The following OSBPL8 variants were observed in gnomAD, a reference collection of about 807,000 sequenced individuals.
OSBPL8 encodes oxysterol binding protein like 8, also known as oxysterol-binding protein-related protein 8.
Under a neutral mutation model 125.5 loss-of-function variants are expected in OSBPL8, and 59 were observed. The ratio of observed to expected loss-of-function variants is 0.47; its 90% CI spans 0.38 to 0.58. OSBPL8 has a LOEUF of 0.58. Ranked by LOEUF, OSBPL8 falls within the 20% of genes least tolerant of loss-of-function variation. The pLI, the probability that OSBPL8 is intolerant of heterozygous loss-of-function variation, is 0.00. For missense variants in OSBPL8, 758 were observed against 1,047.8 expected (o/e 0.72, Z 3.82); for synonymous variants, 330 against 338.9 (o/e 0.97, Z 0.29).
Position 76,390,480 on chromosome 12 carries a change from C to T in OSBPL8, c.1107G>A (p.Glu369=). The T allele has an allele frequency of 6.2e-7, 1 of 1,613,920 alleles. No homozygotes were observed. Among genetic ancestry groups the T allele is most frequent in the Non-Finnish European group, 8.5e-7 (1 of 1,179,910 alleles). ...ERQDDSYIEP[E]PVEPLKETTY... ...TAGTCTCCTTTAAAGGCTCAACAGGCTCAGGTTCGATATATGAGTCATCTT... is the reference window on the plus strand; with the variant it reads ...TAGTCTCCTTTAAAGGCTCAACAGGTTCAGGTTCGATATATGAGTCATCTT... The change falls in exon 11 of 24, where the codon GAG becomes GAA. Residue 369 remains glutamate, a synonymous_variant. Coordinates refer to ENST00000261183, the MANE Select transcript of OSBPL8 (RefSeq NM_020841.5).
At chr12:76,500,358 T>G (rs2137111325) in intron 1 of OSBPL8, among the ~76,000 whole-genome samples, 1 of 152,324 alleles carries the variant, frequency 6.6e-6, no homozygotes. Context: ...ATATTTCTCT[T>G]GCAAAACCAA....
chr12:76,394,460 CCTTT>C (rs1384720064), intron 9 of OSBPL8, among the ~76,000 whole-genome samples, 181 bp downstream of exon 9: 1 of 152,132 alleles, frequency 6.6e-6, no homozygotes, highest in South Asian at 2.1e-4. Flanking sequence ...CACAATGCTT[CCTTT>C]CTATCAGATT....
At chr12:76,490,233 G>C (rs1281595338) in intron 1 of OSBPL8, among the ~76,000 whole-genome samples, 1 of 152,228 alleles carries the variant, frequency 6.6e-6, no homozygotes. Flanking sequence ...AGAAATTCTA[G>C]GCAGAAAACG....
chr12:76,364,378 T>A (rs185151520), intron 21 of OSBPL8, among the ~76,000 whole-genome samples: 1 of 152,252 alleles, frequency 6.6e-6, no homozygotes, highest in East Asian at 1.9e-4. Flanking sequence ...GAAACCATCA[T>A]TCTCAGCAAA....
rs796127975 is a variant in OSBPL8, at chr12:76,381,730, CT to C, written c.1630+2523del. Among the ~76,000 whole-genome samples the C allele has an allele frequency of 5.4e-3, 784 of 144,110 alleles. 8 individuals carry two copies. The highest frequency in any genetic ancestry group is 0.018 in the Middle Eastern group (5 of 274). The allele number at this position is 144,110 out of a possible 152,430, so 94.5% of individuals were successfully genotyped here. The stretch of plus-strand genomic sequence containing the variant: ...TTAACTTTTACTTTCCATTTACTTT[CT>C]TTTTTTTTTTTTCCTTTCTTGAGAC... On this transcript the variant is annotated intron_variant, in intron 15 of 23. Transcript: ENST00000261183.
chr12:76,385,132 T>C (rs1348476115), intron 14 of OSBPL8, among the ~76,000 whole-genome samples: 2 of 152,220 alleles, frequency 1.3e-5, no homozygotes, highest in Non-Finnish European at 2.9e-5. Context: ...ATTTCAAGCT[T>C]CTTAATTTCA....
intron 10 of OSBPL8, 129 bp from the exon 11 acceptor site, chr12:76,390,786 A>G: frequency 1.6e-6 from 1 of 631,346 alleles, no homozygotes; most frequent in Non-Finnish European, 2.7e-6. Flanking sequence ...TGTTTTACAT[A>G]GTGTTAATTC....
intron 1 of OSBPL8, among the ~76,000 whole-genome samples, chr12:76,539,594 T>C (rs10161543): frequency 0.8 from 121,177 of 152,170 alleles, 48,484 homozygotes; most frequent in East Asian, 0.92. Flanking sequence ...TGTAGCAATG[T>C]TAATTCAAAA....
intron 1 of OSBPL8, among the ~76,000 whole-genome samples, chr12:76,554,827 T>C (rs1951047634): frequency 1.3e-5 from 2 of 152,236 alleles, no homozygotes; most frequent in African/African-American, 4.8e-5. Context: ...GTAACTGGCT[T>C]ATCATTTGAT....
chr12:76,450,828 ACATG>A lies in OSBPL8; in HGVS notation c.217+19_217+22del. 1 of 1,580,846 alleles carries A rather than the reference ACATG, an allele frequency of 6.3e-7. No individual in the cohort carries two copies. ...AAAACAAAAACAAAAACAAGACAAA[ACATG>A]AAAACCACAACTTCCTACCCTGGCT... On this transcript the variant is annotated intron_variant, in intron 4 of 23. Coordinates refer to ENST00000261183, the MANE Select transcript of OSBPL8 (RefSeq NM_020841.5).
intron 1 of OSBPL8, among the ~76,000 whole-genome samples, chr12:76,548,237 T>C (rs550641770): frequency 5.9e-5 from 9 of 152,104 alleles, no homozygotes; most frequent in South Asian, 4.1e-4. Flanking sequence ...ATCCAACAAA[T>C]TTCTGGGAAA....
chr12:76,415,186 C>A (rs563944428), intron 4 of OSBPL8, among the ~76,000 whole-genome samples: 1 of 152,052 alleles, frequency 6.6e-6, no homozygotes, highest in East Asian at 1.9e-4. Flanking sequence ...GTTGGTAGAA[C>A]TCGGTATCTA....
At chr12:76,439,628 T>C (rs551693341) in intron 4 of OSBPL8, among the ~76,000 whole-genome samples, 2 of 152,266 alleles carry the variant, frequency 1.3e-5, no homozygotes, top group South Asian at 2.1e-4. Flanking sequence ...AAACCTGAGT[T>C]TCATGTTTTC....
At chr12:76,377,138 G>A (rs1481130684) in intron 16 of OSBPL8, among the ~76,000 whole-genome samples, 1 of 152,188 alleles carries the variant, frequency 6.6e-6, no homozygotes, top group East Asian at 1.9e-4. Flanking sequence ...GTGTTCCATG[G>A]TGTGTATGTG....
intron 21 of OSBPL8, among the ~76,000 whole-genome samples, chr12:76,364,247 A>G (rs1952320330): frequency 6.6e-6 from 1 of 152,232 alleles, no homozygotes; most frequent in Non-Finnish European, 1.5e-5. Flanking sequence ...CTTGGAACCA[A>G]CCCAAATGCC....
chr12:76,435,729 G>A (rs568632434), intron 4 of OSBPL8, among the ~76,000 whole-genome samples: 16 of 152,120 alleles, frequency 1.1e-4, no homozygotes, highest in African/African-American at 3.9e-4. Context: ...GTGGTGGGAA[G>A]GGAAAAAAAT....
At chr12:76,383,319 TATATCAA>T (rs1474002680) in intron 15 of OSBPL8, among the ~76,000 whole-genome samples, 1 of 149,416 alleles carries the variant, frequency 6.7e-6, no homozygotes, top group African/African-American at 2.5e-5. Context: ...AGGTAAGAAA[TATATCAA>T]ATATGAAATA....
chr12:76,421,681 T>A (rs1869503299), intron 4 of OSBPL8, among the ~76,000 whole-genome samples: 5 of 152,070 alleles, frequency 3.3e-5, no homozygotes, highest in Admixed American at 3.3e-4. Flanking sequence ...TTGCCATCAT[T>A]ATTAAATAGT....
intron 3 of OSBPL8, among the ~76,000 whole-genome samples, chr12:76,456,703 G>C (rs1191646138): frequency 2.0e-5 from 3 of 151,902 alleles, no homozygotes; most frequent in Non-Finnish European, 4.4e-5. Context: ...AATACGAAGA[G>C]TCAACACATA....
Sources: allele counts gnomAD v4.1 joint callset (sites outside exome capture counted in the v4.1 genomes callset), GRCh38; gene constraint gnomAD v4.1.1; transcripts MANE v1.5; gene names NCBI Gene and HGNC (gene_info 2026-07-23, HGNC 2026-07-21).